NUGGC: variants seen among roughly 807,000 people sequenced by gnomAD.
The protein encoded by NUGGC is nuclear GTPase, germinal center associated.
In NUGGC, 58 loss-of-function variants were observed where a neutral mutation model predicts 92.6. The observed-to-expected ratio is 0.63, with a 90% CI of 0.51 to 0.78. The LOEUF (loss-of-function observed/expected upper bound fraction) is 0.78. NUGGC is among the 30% of genes least tolerant of loss of function. The pLI, the probability that NUGGC is intolerant of heterozygous loss-of-function variation, is 0.00. For missense variants in NUGGC, 925 were observed against 964.6 expected (o/e 0.96, Z 0.54); for synonymous variants, 376 against 366.4 (o/e 1.03, Z -0.30).
intron 14 of NUGGC, among the ~76,000 whole-genome samples, chr8:28,032,470 C>A (rs1353466751): frequency 2.6e-5 from 4 of 152,078 alleles, no homozygotes; most frequent in Admixed American, 6.6e-5. Flanking sequence ...GTAATCCCAG[C>A]ACTTTGGGAG....
At chr8:28,038,401 G>C (rs975041791) in intron 13 of NUGGC, among the ~76,000 whole-genome samples, 8 of 152,124 alleles carry the variant, frequency 5.3e-5, no homozygotes, top group African/African-American at 1.4e-4. Context: ...TGAGTGCGTT[G>C]GTCAACCCAG....
intron 3 of NUGGC, chr8:28,070,007 C>A: frequency 1.4e-6 from 1 of 727,462 alleles, no homozygotes; most frequent in Non-Finnish European, 1.7e-6. Context: ...CCAACCTCAT[C>A]ATTTTCACAG....
At chr8:28,051,773 T>G (rs769524212) in intron 10 of NUGGC, among the ~76,000 whole-genome samples, 1 of 151,984 alleles carries the variant, frequency 6.6e-6, no homozygotes, top group Non-Finnish European at 1.5e-5. Context: ...AAGTACAAAA[T>G]TAGCTGGGCC....
intron 9 of NUGGC, 125 bp from the exon 10 acceptor site, chr8:28,056,179 A>C (rs1481092588): frequency 3.4e-6 from 2 of 596,606 alleles, no homozygotes; most frequent in Non-Finnish European, 5.9e-6. Flanking sequence ...CATGCACTGT[A>C]TTAGAATTAT....
intron 1 of NUGGC, among the ~76,000 whole-genome samples, chr8:28,075,021 C>T (rs1810685841): frequency 1.3e-5 from 2 of 152,152 alleles, no homozygotes; most frequent in Admixed American, 6.6e-5. Flanking sequence ...CTCTGGTGAC[C>T]AGAGCTGTGA....
intron 15 of NUGGC, among the ~76,000 whole-genome samples, chr8:28,031,016 A>G (rs911348187): frequency 6.6e-6 from 1 of 152,200 alleles, no homozygotes; most frequent in East Asian, 1.9e-4. Context: ...GTGCACTCTC[A>G]GTTGCTTCAC....
chr8:28,026,793 TCAC>T (rs1350481971), intron 18 of NUGGC, among the ~76,000 whole-genome samples, 166 bp downstream of exon 18: 3 of 147,066 alleles, frequency 2.0e-5, no homozygotes, highest in Non-Finnish European at 3.0e-5. Context: ...ATCATCATCA[TCAC>T]CATCATCATC....
intron 13 of NUGGC, 111 bp downstream of exon 13, chr8:28,040,940 C>A (rs759589215): frequency 7.5e-5 from 84 of 1,113,254 alleles, no homozygotes; most frequent in Non-Finnish European, 9.0e-5. Flanking sequence ...CCGCCATGCC[C>A]GGCCCGCTAA....
rs779865122 is a variant in NUGGC at position 28,067,692 on chromosome 8, T to C, written c.533A>G (p.Glu178Gly). The C allele has an allele frequency of 1.2e-6, 2 of 1,613,860 alleles. No homozygotes were observed. Among genetic ancestry groups the C allele is most frequent in the African/African-American group, 2.7e-5 (2 of 74,950 alleles). Reference protein sequence around the residue: ...NLTKLLHRTEELSREEADAWN... With the variant: ...NLTKLLHRTEGLSREEADAWN... ...CGCATCTGCCTCTTCTCTGCTCAGC[T>C]CCTCCGTCCTATGCAGGAGTTTGGT... is the stretch of plus-strand genomic sequence containing the variant. The change falls in exon 6 of 19, where the codon GAG becomes GGG. Residue 178 changes from glutamate (E) to glycine (G), a missense_variant. Transcript: ENST00000413272.
intron 18 of NUGGC, among the ~76,000 whole-genome samples, chr8:28,023,853 A>G (rs901418226): frequency 6.6e-6 from 1 of 151,816 alleles, no homozygotes; most frequent in East Asian, 1.9e-4. Context: ...TCTTTCTGGC[A>G]TCTCAGGTTT....
chr8:28,065,570 A>C (rs1444963446), intron 6 of NUGGC, among the ~76,000 whole-genome samples: 1 of 152,204 alleles, frequency 6.6e-6, no homozygotes, highest in Admixed American at 6.5e-5. Context: ...GAGAGGGAAT[A>C]GTTCTTAGAC....
At position 28,022,157 on chromosome 8, in the gene NUGGC, C is replaced by CTTTTTTTTTTTTTTTT. The variant is rs35977212; in HGVS notation, c.*1144_*1159dup. On this transcript the variant is annotated 3_prime_UTR_variant, in exon 19 of 19. Coordinates refer to ENST00000413272, the MANE Select transcript of NUGGC (RefSeq NM_001010906.2). ...TATATATATATATTTTTTTCTTTTT[C>CTTTTTTTTTTTTTTTT]TTTTTTTTTTTTTTTTTTTGAGACA... is the stretch of plus-strand genomic sequence containing the variant. 1 of 95,948 alleles carries CTTTTTTTTTTTTTTTT rather than the reference C, an allele frequency of 1.0e-5. No homozygotes were observed. Among genetic ancestry groups the CTTTTTTTTTTTTTTTT allele is most frequent in the Non-Finnish European group, 2.1e-5 (1 of 47,550 alleles). 5.9% of individuals were successfully genotyped at this position (95,948 alleles called of 1,614,324 possible).
intron 3 of NUGGC, 119 bp from the exon 4 acceptor site, chr8:28,069,771 C>A: frequency 1.4e-6 from 1 of 704,738 alleles, no homozygotes; most frequent in South Asian, 1.6e-5. Context: ...AATGAAAAGC[C>A]GATTAAACAA....
At chr8:28,025,018 T>C (rs1033486334) in intron 18 of NUGGC, among the ~76,000 whole-genome samples, 2 of 152,208 alleles carry the variant, frequency 1.3e-5, no homozygotes, top group Non-Finnish European at 2.9e-5. Context: ...TTTCTGTGTT[T>C]CGCTTCCCTG....
chr8:28,028,865 T>C (rs1028950730), intron 17 of NUGGC, among the ~76,000 whole-genome samples: 2 of 152,174 alleles, frequency 1.3e-5, no homozygotes, highest in South Asian at 2.1e-4. Context: ...GATCGTGCTA[T>C]TGTTGGACAT....
intron 1 of NUGGC, among the ~76,000 whole-genome samples, chr8:28,079,456 C>T (rs1221329174): frequency 6.6e-6 from 1 of 152,108 alleles, no homozygotes; most frequent in Non-Finnish European, 1.5e-5. Flanking sequence ...AGGAGAATTG[C>T]TTGAACCCAG....
At chr8:28,055,455 T>C (rs7818603) in intron 10 of NUGGC, among the ~76,000 whole-genome samples, 150,187 of 152,186 alleles carry the variant, frequency 0.99, 74,134 homozygotes, top group Middle Eastern at 1. Context: ...TTCGACCCTC[T>C]CAACAATCAC....
intron 2 of NUGGC, among the ~76,000 whole-genome samples, chr8:28,074,030 GT>G (rs1810657574): frequency 6.6e-6 from 1 of 151,296 alleles, no homozygotes; most frequent in African/African-American, 2.4e-5. Context: ...AACTCCTGAC[GT>G]CATGTGATCC....
At chr8:28,083,396 A>T (rs1810897635) in intron 1 of NUGGC, among the ~76,000 whole-genome samples, 1 of 152,210 alleles carries the variant, frequency 6.6e-6, no homozygotes, top group African/African-American at 2.4e-5. Flanking sequence ...TACTCCTCAA[A>T]ACTGCCATAT....
Sources: gnomAD v4.1 joint callset for allele counts (sites outside exome capture counted in the v4.1 genomes callset) on GRCh38, gnomAD v4.1.1 for gene constraint, MANE v1.5 for transcripts, NCBI Gene and HGNC (gene_info 2026-07-23, HGNC 2026-07-21) for gene names.